Variants in TBX1 observed in about 807,000 individuals in gnomAD.
TBX1 encodes T-box transcription factor TBX1.
In TBX1, 16 loss-of-function variants were observed where a neutral mutation model predicts 40.8. That is an observed-to-expected ratio of 0.39 (90% confidence interval 0.27 to 0.60). The LOEUF is 0.60. Ranked by LOEUF, TBX1 falls within the 20% of genes least tolerant of loss-of-function variation. The probability of loss-of-function intolerance (pLI) is 0.51; values close to 1 mark genes in which losing one functional copy is unlikely to be tolerated. For missense variants in TBX1, 755 were observed against 728.5 expected (o/e 1.04, Z -0.42); for synonymous variants, 403 against 336.8 (o/e 1.20, Z -2.15).
At chr22:19,765,874 G>A (rs1936818111) in intron 5 of TBX1, 28 bp from the exon 6 acceptor site, 3 of 1,559,578 alleles carry the variant, frequency 1.9e-6, no homozygotes, top group African/African-American at 1.4e-5. Context: ...TGGCGCAGGC[G>A]CCGCCCTGAT....
downstream of TBX1, among the ~76,000 whole-genome samples, chr22:19,771,021 TG>T (rs1457724482): frequency 6.6e-6 from 1 of 152,162 alleles, no homozygotes; most frequent in Non-Finnish European, 1.5e-5. Flanking sequence ...CTGTCAACAG[TG>T]GAGGCCTGTG....
Position 19,767,199 on chromosome 22 carries a change from C to G in TBX1, c.*332C>G. Reference sequence around the variant, plus strand: ...TTGTTCTCCCCGAGACCGCGTCGCCCGCGGCCCGGCCGGCAGTTGCAGTGT... The same window carrying G: ...TTGTTCTCCCCGAGACCGCGTCGCCGGCGGCCCGGCCGGCAGTTGCAGTGT... On this transcript the variant is annotated 3_prime_UTR_variant, in exon 7 of 7. Transcript: ENST00000649276. 2 of 1,105,758 alleles carry G rather than the reference C, an allele frequency of 1.8e-6. No individual in the cohort carries two copies. The highest frequency in any genetic ancestry group is 3.4e-5 in the South Asian group (1 of 29,738). 68.5% of individuals were successfully genotyped at this position (1,105,758 alleles called of 1,614,324 possible). A position where few individuals can be genotyped will look rare whatever the true frequency, so the allele number is the denominator to read the frequency against.
At chr22:19,775,859 C>T (rs562707925) in intron 8 of TBX1, among the ~76,000 whole-genome samples, 93 of 152,278 alleles carry the variant, frequency 6.1e-4, no homozygotes, top group Admixed American at 2.0e-3. Context: ...CTGGAGTGCT[C>T]GCCTGGAGCC....
At position 19,765,856 on chromosome 22, in the gene TBX1, C is replaced by T. The variant is rs41298836; in HGVS notation, c.935+31C>T. On this transcript the variant is annotated intron_variant, in intron 5 of 6. Coordinates refer to ENST00000649276, the MANE Select transcript of TBX1 (RefSeq NM_001379200.1). ...TGTCCTCCCCCGAGAGAGTGAGCGC[C>T]GGGCGCCTGGCGCAGGCGCCGCCCT... 0.066 allele frequency: 104,944 copies of T among 1,578,244 alleles called. 4,391 individuals are homozygous for T. The highest frequency in any genetic ancestry group is 0.19 in the African/African-American group (13,951 of 73,798).
intron 1 of TBX1, 67 bp downstream of exon 1, chr22:19,761,347 C>T: frequency 1.4e-6 from 2 of 1,447,976 alleles, no homozygotes; most frequent in Admixed American, 4.4e-5. Flanking sequence ...GGGCCTCCGC[C>T]TGATCCGCGC....
chr22:19,757,750 G>A (rs1162681854), upstream of TBX1, among the ~76,000 whole-genome samples: 4 of 152,226 alleles, frequency 2.6e-5, no homozygotes, highest in African/African-American at 9.7e-5. Flanking sequence ...AGGAAGGAAA[G>A]GGGCCTGGAA....
chr22:19,777,262 C>T (rs372960919), intron 8 of TBX1, among the ~76,000 whole-genome samples: 5 of 151,804 alleles, frequency 3.3e-5, no homozygotes, highest in African/African-American at 1.2e-4. Flanking sequence ...TTCCTGTGTC[C>T]GTGTGTTCTC....
At chr22:19,770,854 C>T (rs541011563), downstream of TBX1, among the ~76,000 whole-genome samples, 10 of 152,232 alleles carry the variant, frequency 6.6e-5, no homozygotes, top group East Asian at 1.9e-4. Flanking sequence ...GCTTCTAGGA[C>T]GAAAGGGATG....
At chr22:19,768,079 C>T (rs552892228), downstream of TBX1, among the ~76,000 whole-genome samples, 3 of 152,290 alleles carry the variant, frequency 2.0e-5, no homozygotes, top group African/African-American at 4.8e-5. Context: ...CTCTTTGATC[C>T]CTCCCTTCCT....
upstream of TBX1, among the ~76,000 whole-genome samples, chr22:19,760,726 G>A: frequency 7.4e-6 from 1 of 135,028 alleles, no homozygotes; most frequent in South Asian, 2.3e-4. Context: ...CTCGGGGCCG[G>A]CCTGCGGTGT....
chr22:19,761,667 A>T (rs1298882173), intron 1 of TBX1, among the ~76,000 whole-genome samples: 2 of 152,106 alleles, frequency 1.3e-5, no homozygotes, highest in Non-Finnish European at 2.9e-5. Context: ...CGCCCGGCCG[A>T]CTCCTAGTAA....
downstream of TBX1, among the ~76,000 whole-genome samples, chr22:19,780,040 G>A (rs540903589): frequency 1.3e-5 from 2 of 152,244 alleles, no homozygotes; most frequent in Non-Finnish European, 2.9e-5. Flanking sequence ...CCACAAAAAT[G>A]AGAACTATGT....
exon 9 of TBX1, chr22:19,779,313 G>A: frequency 6.2e-7 from 1 of 1,614,254 alleles, no homozygotes; most frequent in Non-Finnish European, 8.5e-7. Flanking sequence ...GCAGGTGGCT[G>A]TGTGAACCTG....
At chr22:19,763,765 C>T (rs1936743184) in intron 2 of TBX1, 2 of 396,880 alleles carry the variant, frequency 5.0e-6, no homozygotes, top group Non-Finnish European at 9.2e-6. Context: ...CGGGCCTCAG[C>T]TGCCCGGACA....
downstream of TBX1, chr22:19,783,562 TAAAAG>T (rs992163847): frequency 6.0e-6 from 1 of 165,310 alleles, no homozygotes; most frequent in Non-Finnish European, 1.3e-5. Context: ...CCTGGTCTCT[TAAAAG>T]AAAAAACAAA....
intron 1 of TBX1, 96 bp from the exon 2 acceptor site, chr22:19,763,145 G>C (rs1936721204): frequency 1.0e-6 from 1 of 952,714 alleles, no homozygotes; most frequent in South Asian, 1.3e-5. Context: ...CCAGAGGCTG[G>C]AGGGAGGGGC....
At chr22:19,770,137 C>T (rs1936964382), downstream of TBX1, among the ~76,000 whole-genome samples, 1 of 152,190 alleles carries the variant, frequency 6.6e-6, no homozygotes, top group Non-Finnish European at 1.5e-5. Flanking sequence ...GGCCCCGTTG[C>T]CCTCCCCTAG....
intron 8 of TBX1, chr22:19,779,084 G>A (rs935016290): frequency 2.8e-5 from 29 of 1,044,452 alleles, no homozygotes; most frequent in Non-Finnish European, 3.4e-5. Flanking sequence ...GGCTCGGCTC[G>A]TTGGGAGATG....
chr22:19,764,881 A>G, intron 3 of TBX1, 77 bp from the exon 4 acceptor site: 1 of 1,573,406 alleles, frequency 6.4e-7, no homozygotes, highest in Non-Finnish European at 8.7e-7. Flanking sequence ...CTCAGACCTC[A>G]GCCCATTTCC....
Sources: gnomAD v4.1 joint callset for allele counts (sites outside exome capture counted in the v4.1 genomes callset) on GRCh38, gnomAD v4.1.1 for gene constraint, MANE v1.5 for transcripts, NCBI Gene and HGNC (gene_info 2026-07-23, HGNC 2026-07-21) for gene names.